CDK6: variants seen among roughly 807,000 people sequenced by gnomAD.
CDK6 encodes cyclin-dependent kinase 6.
A neutral mutation model predicts 37.1 loss-of-function variants in CDK6; 6 were observed. That is an observed-to-expected ratio of 0.16 (90% CI 0.09 to 0.32). CDK6 has a LOEUF of 0.32. CDK6 is among the 10% of genes least tolerant of loss of function. CDK6 has a pLI of 1.00. For synonymous variants in CDK6, 160 were observed against 161.3 expected, an observed-to-expected ratio of 0.99 and a Z score of 0.06; for missense variants, 224 against 418.9, an observed-to-expected ratio of 0.53 and a Z score of 4.06.
intron 3 of CDK6, among the ~76,000 whole-genome samples, chr7:92,745,509 C>T (rs370053706): frequency 2.0e-5 from 3 of 152,078 alleles, no homozygotes; most frequent in East Asian, 3.9e-4. Context: ...CTGATGCCTG[C>T]GAACAGTGAC....
chr7:92,765,462 G>A (rs192997545), intron 3 of CDK6, among the ~76,000 whole-genome samples: 2 of 152,074 alleles, frequency 1.3e-5, no homozygotes, highest in East Asian at 3.9e-4. Flanking sequence ...GCCCACCACA[G>A]AGAACTGAAT....
intron 5 of CDK6, among the ~76,000 whole-genome samples, chr7:92,657,881 A>G (rs56809345): frequency 1.7e-3 from 266 of 152,102 alleles, no homozygotes; most frequent in African/African-American, 5.9e-3. Flanking sequence ...TGCCCAGATG[A>G]TTTTTTTAAA....
chr7:92,632,714 A>G (rs1042242100), intron 5 of CDK6, among the ~76,000 whole-genome samples: 5 of 152,154 alleles, frequency 3.3e-5, no homozygotes, highest in Non-Finnish European at 7.4e-5. Flanking sequence ...TTGCATACCT[A>G]TATCAAAACA....
At chr7:92,827,295 T>G (rs1201593988) in intron 2 of CDK6, among the ~76,000 whole-genome samples, 1 of 152,224 alleles carries the variant, frequency 6.6e-6, no homozygotes, top group African/African-American at 2.4e-5. Context: ...AGAATAGGAA[T>G]AATTTAAGTG....
At chr7:92,640,569 A>C (rs1317258404) in intron 5 of CDK6, among the ~76,000 whole-genome samples, 1 of 152,206 alleles carries the variant, frequency 6.6e-6, no homozygotes, top group Non-Finnish European at 1.5e-5. Context: ...TCCTGACAGA[A>C]TCTAACCTAC....
At chr7:92,651,184 G>A (rs1029404192) in intron 5 of CDK6, among the ~76,000 whole-genome samples, 4 of 152,088 alleles carry the variant, frequency 2.6e-5, no homozygotes, top group South Asian at 2.1e-4. Flanking sequence ...GCCACGGTGC[G>A]AGGCTAGTTC....
intron 4 of CDK6, 43 bp from the exon 5 acceptor site, chr7:92,671,578 G>T: frequency 8.0e-7 from 1 of 1,257,224 alleles, no homozygotes; most frequent in Non-Finnish European, 1.1e-6. Context: ...GAAGGTGGCT[G>T]TTGGCTTAGA....
intron 4 of CDK6, among the ~76,000 whole-genome samples, chr7:92,692,220 C>G (rs928950316): frequency 1.3e-5 from 2 of 151,622 alleles, no homozygotes; most frequent in African/African-American, 2.4e-5. Context: ...GAGTCGAGAT[C>G]ACACCATTGC....
At chr7:92,688,805 T>C (rs1315256994) in intron 4 of CDK6, among the ~76,000 whole-genome samples, 1 of 152,156 alleles carries the variant, frequency 6.6e-6, no homozygotes, top group Non-Finnish European at 1.5e-5. Context: ...TAGAACCATA[T>C]TTGTCAGTTT....
chr7:92,726,858 T>A (rs1798523878), intron 3 of CDK6, among the ~76,000 whole-genome samples: 1 of 152,234 alleles, frequency 6.6e-6, no homozygotes, highest in South Asian at 2.1e-4. Context: ...TCTCTAAGGC[T>A]TAGTTTCCCT....
intron 4 of CDK6, among the ~76,000 whole-genome samples, chr7:92,675,721 T>C (rs1017807927): frequency 1.5e-4 from 23 of 152,218 alleles, no homozygotes; most frequent in Non-Finnish European, 2.6e-4. Flanking sequence ...TGGATCTTTG[T>C]TAGCAGTGTG....
chr7:92,761,980 A>G (rs957956597), intron 3 of CDK6, among the ~76,000 whole-genome samples: 3 of 152,402 alleles, frequency 2.0e-5, no homozygotes, highest in Middle Eastern at 6.8e-3. Context: ...CAACATTAAG[A>G]AAAGATGATG....
In CDK6 at chr7:92,729,801, G is replaced by A. The variant is rs114133515; in HGVS notation, c.370-4008C>T. 4.8e-3 allele frequency among the ~76,000 whole-genome samples: 737 copies of A among 152,252 alleles called. 5 individuals carry two copies. Among genetic ancestry groups the A allele is most frequent in the African/African-American group, 0.017 (706 of 41,524 alleles). On this transcript the variant is annotated intron_variant, in intron 3 of 7. Transcript: ENST00000424848. ...CTTGCTCTGCCACCCAGGCTGGAGT[G>A]CAGTGGTGCCATCATATCATAGCTC...
chr7:92,623,044 T>C lies in CDK6; in HGVS notation c.690A>G (p.Lys230=). 1.3e-6 allele frequency: 2 copies of C among 1,581,280 alleles called. No homozygotes were observed. Among genetic ancestry groups the C allele is most frequent in the Non-Finnish European group, 1.7e-6 (2 of 1,154,786 alleles). The change falls in exon 6 of 8, where the codon AAA becomes AAG. Residue 230 remains lysine, a synonymous_variant. Transcript: ENST00000424848. The part of the protein sequence containing the change: ...RGSSDVDQLG[K]ILDVIGLPGE... The stretch of plus-strand genomic sequence containing the variant: ...TTATAATTATTACTTACTCCAAGAT[T>C]TTTCCTAGTTGATCAACATCTGAAC...
intron 3 of CDK6, among the ~76,000 whole-genome samples, chr7:92,769,111 A>G (rs955564170): frequency 6.6e-6 from 1 of 152,238 alleles, no homozygotes; most frequent in African/African-American, 2.4e-5. Flanking sequence ...GGCAAAAAAC[A>G]GGTGCTATTA....
At position 92,652,419 on chromosome 7, in the gene CDK6, A is replaced by G. The variant is rs575572369; in HGVS notation, c.647+19007T>C. ...TTTTTCACTTTGAATAGCCTTTCAT[A>G]TATTTATTTTTTAGGTCTTTAGAGA... On this transcript the variant is annotated intron_variant, in intron 5 of 7. Coordinates refer to ENST00000424848, the MANE Select transcript of CDK6 (RefSeq NM_001145306.2). Among the ~76,000 whole-genome samples the G allele has an allele frequency of 6.6e-5, 10 of 152,168 alleles. No individual in the cohort carries two copies. In the East Asian group the frequency reaches 1.9e-3, roughly 29 times the overall value.
chr7:92,673,993 T>C (rs1797149060), intron 4 of CDK6, among the ~76,000 whole-genome samples: 1 of 152,032 alleles, frequency 6.6e-6, no homozygotes, highest in African/African-American at 2.4e-5. Context: ...TTGCTCAGGC[T>C]GGTCTCGAAC....
At chr7:92,652,168 G>C (rs1430659109) in intron 5 of CDK6, among the ~76,000 whole-genome samples, 2 of 152,150 alleles carry the variant, frequency 1.3e-5, no homozygotes, top group Non-Finnish European at 2.9e-5. Context: ...GTAGAGAAAT[G>C]CATGTTAAGA....
At chr7:92,736,846 G>A (rs1798800470) in intron 3 of CDK6, among the ~76,000 whole-genome samples, 1 of 152,086 alleles carries the variant, frequency 6.6e-6, no homozygotes, top group South Asian at 2.1e-4. Context: ...TGATAGAGAA[G>A]GTCTAAATTA....
Sources: gnomAD v4.1 joint callset for allele counts (sites outside exome capture counted in the v4.1 genomes callset) on GRCh38, gnomAD v4.1.1 for gene constraint, MANE v1.5 for transcripts, NCBI Gene and HGNC (gene_info 2026-07-23, HGNC 2026-07-21) for gene names.